NOL10: variants seen among roughly 807,000 people sequenced by gnomAD.
The protein encoded by NOL10 is nucleolar protein 10, also known as H_NH0074G24.1.
In NOL10, 58 loss-of-function variants were observed where a neutral mutation model predicts 103.5. The ratio of observed to expected loss-of-function variants is 0.56; its 90% CI spans 0.45 to 0.70. The LOEUF is 0.70. NOL10 is among the 30% of genes least tolerant of loss of function. The pLI is 0.00. For missense variants in NOL10, 763 were observed against 807.3 expected, an observed-to-expected ratio of 0.95 and a Z score of 0.67; for synonymous variants, 287 against 282.5, an observed-to-expected ratio of 1.02 and a Z score of -0.16.
intron 3 of NOL10, among the ~76,000 whole-genome samples, chr2:10,680,665 A>C (rs1311494488): frequency 6.6e-6 from 1 of 152,224 alleles, no homozygotes; most frequent in East Asian, 1.9e-4. Flanking sequence ...AGAGATGTAG[A>C]TAGTGTTAGT....
At chr2:10,594,478 G>A (rs1675559943) in intron 17 of NOL10, among the ~76,000 whole-genome samples, 3 of 152,142 alleles carry the variant, frequency 2.0e-5, no homozygotes, top group Non-Finnish European at 2.9e-5. Flanking sequence ...ATGGAATGGG[G>A]CAGAAAATTC....
At position 10,664,929 on chromosome 2, in the gene NOL10, A is replaced by G. The variant is rs115275735; in HGVS notation, c.592-1885T>C. 8.3e-3 allele frequency among the ~76,000 whole-genome samples: 1,269 copies of G among 152,354 alleles called. 9 individuals carry two copies. Among genetic ancestry groups the G allele is most frequent in the Non-Finnish European group, 0.013 (870 of 68,030 alleles). On this transcript the variant is annotated intron_variant, in intron 8 of 20. Transcript: ENST00000381685. The stretch of plus-strand genomic sequence containing the variant: ...ACAGTATTTACCTAAGGAAACAGGA[A>G]TAGGACAGGGTGGAAGGGAATTACA...
At chr2:10,604,137 G>T (rs920846342) in intron 14 of NOL10, among the ~76,000 whole-genome samples, 1 of 152,136 alleles carries the variant, frequency 6.6e-6, no homozygotes, top group Non-Finnish European at 1.5e-5. Flanking sequence ...CAAATGCCAC[G>T]GCTGGCAGGA....
rs1363424955 is a variant in NOL10, at chr2:10,684,550, GA to G, written c.112+16del. ...TGGATCACTAACGCAGCTGAAGTGG[GA>G]AAAAACAATACTCACCTACATCTTT... On this transcript the variant is annotated intron_variant, in intron 2 of 20. Coordinates refer to ENST00000381685, the MANE Select transcript of NOL10 (RefSeq NM_024894.4). 68 of 1,564,316 alleles carry G rather than the reference GA, an allele frequency of 4.3e-5. No homozygotes were observed. The highest frequency in any genetic ancestry group is 5.7e-5 in the Non-Finnish European group (66 of 1,152,312).
chr2:10,653,531 C>T (rs1679626674), intron 12 of NOL10, among the ~76,000 whole-genome samples: 1 of 152,184 alleles, frequency 6.6e-6, no homozygotes, highest in Non-Finnish European at 1.5e-5. Context: ...CAAGTCCTCT[C>T]TGACAGCACA....
In NOL10 at chr2:10,571,871, G is replaced by C. The variant is rs1479472785; in HGVS notation, c.*200C>G. The stretch of plus-strand genomic sequence containing the variant: ...GCAACGACTCGCAAGCACACCCCTG[G>C]GGCTGTGCGGTGGCCGTCGGCGGGG... On this transcript the variant is annotated 3_prime_UTR_variant, in exon 21 of 21. Coordinates refer to ENST00000381685, the MANE Select transcript of NOL10 (RefSeq NM_024894.4). 1.8e-6 allele frequency: 1 copy of C among 565,674 alleles called. No homozygotes were observed. 35.0% of individuals were successfully genotyped at this position (565,674 alleles called of 1,614,324 possible).
chr2:10,609,431 C>CA (rs60104799), intron 13 of NOL10, among the ~76,000 whole-genome samples: 35,979 of 110,232 alleles, frequency 0.33, 5,448 homozygotes, highest in Non-Finnish European at 0.35. Flanking sequence ...ACTAAAAATA[C>CA]AAAAAAAAAA....
intron 5 of NOL10, 142 bp downstream of exon 5, chr2:10,673,378 C>T: frequency 2.1e-6 from 1 of 468,518 alleles, no homozygotes; most frequent in Non-Finnish European, 3.8e-6. Context: ...TTTTACTACA[C>T]AGCCATTTTT....
intron 1 of NOL10, among the ~76,000 whole-genome samples, chr2:10,689,055 CA>C (rs1682424146): frequency 6.6e-6 from 1 of 152,186 alleles, no homozygotes; most frequent in African/African-American, 2.4e-5. Flanking sequence ...TGAGCTTCCA[CA>C]AAAGGTAGTG....
chr2:10,596,965 A>G (rs1318457930), intron 17 of NOL10, among the ~76,000 whole-genome samples: 4 of 152,036 alleles, frequency 2.6e-5, no homozygotes, highest in Admixed American at 2.6e-4. Context: ...GAATAAATAC[A>G]TTCATTCATT....
At chr2:10,677,648 T>C (rs1361243855) in intron 3 of NOL10, among the ~76,000 whole-genome samples, 1 of 151,734 alleles carries the variant, frequency 6.6e-6, no homozygotes, top group East Asian at 1.9e-4. Flanking sequence ...AATTTTTGTA[T>C]TTTTTGTAAA....
chr2:10,676,032 A>G (rs1193869684), intron 3 of NOL10, among the ~76,000 whole-genome samples, 161 bp from the exon 4 acceptor site: 1 of 152,262 alleles, frequency 6.6e-6, no homozygotes, highest in Non-Finnish European at 1.5e-5. Flanking sequence ...ACCCCAAGGA[A>G]AAACTGAGCA....
chr2:10,612,948 G>A (rs1258213094), intron 13 of NOL10, among the ~76,000 whole-genome samples: 4 of 150,392 alleles, frequency 2.7e-5, no homozygotes, highest in East Asian at 3.9e-4. Flanking sequence ...AGGATCACCT[G>A]AGCCATGATC....
chr2:10,589,670 C>A lies in NOL10; in HGVS notation c.1504G>T (p.Glu502Ter). ...ACAAGTGGATTCAGAAGCCTAAATTCTTCACTCTCTTCATCTACTTGGAAG... is the reference window on the plus strand; with the variant it reads ...ACAAGTGGATTCAGAAGCCTAAATTATTCACTCTCTTCATCTACTTGGAAG... Reference protein sequence around the residue: ...PDFQVDEESEEFRLLNPLVSK... With the variant: ...PDFQVDEESE Residue 502 changes from glutamate to a stop codon, truncating the protein, a stop_gained, in exon 18 of 21, where the codon GAA becomes TAA. Coordinates refer to ENST00000381685, the MANE Select transcript of NOL10 (RefSeq NM_024894.4). LOFTEE classifies it high-confidence loss of function. 6.3e-7 allele frequency: 1 copy of A among 1,588,430 alleles called. No homozygotes were observed. The highest frequency in any genetic ancestry group is 8.6e-7 in the Non-Finnish European group (1 of 1,168,368).
intron 8 of NOL10, among the ~76,000 whole-genome samples, chr2:10,663,745 C>T (rs959994425): frequency 6.6e-6 from 1 of 151,800 alleles, no homozygotes; most frequent in Non-Finnish European, 1.5e-5. Flanking sequence ...GTCAGGAGAT[C>T]GAGACCATCC....
chr2:10,583,819 A>AT (rs1167688399), intron 19 of NOL10, among the ~76,000 whole-genome samples: 4 of 152,172 alleles, frequency 2.6e-5, no homozygotes, highest in Non-Finnish European at 5.9e-5. Flanking sequence ...TTCTCCGCAC[A>AT]TTGTCTTTCT....
chr2:10,608,849 C>T (rs1200958247), intron 13 of NOL10, among the ~76,000 whole-genome samples: 1 of 152,066 alleles, frequency 6.6e-6, no homozygotes, highest in Non-Finnish European at 1.5e-5. Flanking sequence ...GAAAAAAACT[C>T]GAGCATATAT....
intron 14 of NOL10, among the ~76,000 whole-genome samples, chr2:10,606,964 A>G (rs563424391): frequency 1.2e-4 from 19 of 152,332 alleles, no homozygotes; most frequent in Non-Finnish European, 1.9e-4. Context: ...TTCTCATTTA[A>G]AATACAAAAA....
intron 13 of NOL10, among the ~76,000 whole-genome samples, chr2:10,634,299 A>G (rs971839238): frequency 1.3e-5 from 2 of 152,204 alleles, no homozygotes; most frequent in Non-Finnish European, 2.9e-5. Flanking sequence ...CAAAATCTGC[A>G]AACAGCTGAT....
Sources: allele counts gnomAD v4.1 joint callset (sites outside exome capture counted in the v4.1 genomes callset), GRCh38; gene constraint gnomAD v4.1.1; transcripts MANE v1.5; gene names NCBI Gene and HGNC (gene_info 2026-07-23, HGNC 2026-07-21).